The following HTR4 variants were observed in gnomAD, a reference collection of about 807,000 sequenced individuals.
The protein encoded by HTR4 is 5-hydroxytryptamine (serotonin) receptor 4, G protein-coupled.
HTR4 carries 16 observed loss-of-function variants against 36.8 expected under a neutral mutation model. The ratio of observed to expected loss-of-function variants is 0.43; its 90% CI spans 0.29 to 0.66. HTR4 has a LOEUF of 0.66. Ranked by LOEUF, HTR4 falls within the 30% of genes least tolerant of loss-of-function variation. The probability of loss-of-function intolerance (pLI) is 0.13; values close to 1 mark genes in which losing one functional copy is unlikely to be tolerated. For synonymous variants in HTR4, 189 were observed against 185.1 expected (o/e 1.02, Z -0.17); for missense variants, 438 against 490.9 (o/e 0.89, Z 1.02).
intron 5 of HTR4, among the ~76,000 whole-genome samples, chr5:148,464,343 C>T (rs542755523): frequency 6.6e-6 from 1 of 152,208 alleles, no homozygotes; most frequent in African/African-American, 2.4e-5. Context: ...ATACCTGATA[C>T]CAAAGGCATA....
intron 5 of HTR4, among the ~76,000 whole-genome samples, chr5:148,469,475 C>T (rs1581344487): frequency 1.3e-5 from 2 of 152,188 alleles, no homozygotes; most frequent in Admixed American, 6.5e-5. Flanking sequence ...AAATGTCTTG[C>T]CTCCTCACCT....
Position 148,509,651 on chromosome 5 carries a change from C to T in HTR4, c.881G>A (p.Trp294Ter), listed in dbSNP as rs1561586546. ...FIDYTVPGQV[W>*]TAFLWLGYIN... ...ATAGCCGAGCCAGAGGAAAGCAGTC[C>T]ACACCTGCCCAGGGACAGTGTAGTC... Residue 294 changes from tryptophan to a stop codon, truncating the protein, a stop_gained, in exon 6 of 7, where the codon TGG (tryptophan) becomes TAG (stop). Coordinates refer to ENST00000377888, the MANE Select transcript of HTR4 (RefSeq NM_000870.7). LOFTEE classifies it high-confidence loss of function. 6.2e-7 allele frequency: 1 copy of T among 1,613,928 alleles called. No individual in the cohort carries two copies. Among genetic ancestry groups the T allele is most frequent in the Admixed American group, 1.7e-5 (1 of 59,966 alleles).
intron 6 of HTR4, among the ~76,000 whole-genome samples, chr5:148,494,513 C>A (rs1030322918): frequency 1.3e-5 from 2 of 152,142 alleles, no homozygotes; most frequent in Non-Finnish European, 2.9e-5. Context: ...TTTACATTTT[C>A]TCCGCTATTG....
intron 5 of HTR4, chr5:148,521,024 C>A (rs1757988947): frequency 7.3e-7 from 1 of 1,365,336 alleles, no homozygotes; most frequent in Non-Finnish European, 9.8e-7. Flanking sequence ...GAAAGGGCAG[C>A]TCCCTGTCTT....
At chr5:148,582,174 T>G (rs1312066899) in intron 2 of HTR4, among the ~76,000 whole-genome samples, 1 of 152,102 alleles carries the variant, frequency 6.6e-6, no homozygotes, top group East Asian at 1.9e-4. Flanking sequence ...GTGTGTTGGT[T>G]TTGTATTCTT....
chr5:148,502,949 G>GT (rs1385832240), intron 6 of HTR4, among the ~76,000 whole-genome samples: 1 of 152,082 alleles, frequency 6.6e-6, no homozygotes, highest in Non-Finnish European at 1.5e-5. Context: ...GAGACAAAGA[G>GT]TAAAAACAAA....
chr5:148,480,582 T>A (rs565876754), downstream of HTR4, among the ~76,000 whole-genome samples: 1 of 152,324 alleles, frequency 6.6e-6, no homozygotes, highest in East Asian at 1.9e-4. Context: ...TTTCACCATG[T>A]TGGCCAGGCT....
At chr5:148,560,201 T>C (rs997551089) in intron 2 of HTR4, among the ~76,000 whole-genome samples, 1 of 106,928 alleles carries the variant, frequency 9.4e-6, no homozygotes, top group African/African-American at 4.2e-5. Flanking sequence ...GAAAGCTTTT[T>C]TTTTAAAAAA....
intron 2 of HTR4, 74 bp downstream of exon 2, chr5:148,636,915 C>T (rs1753561263): frequency 1.0e-6 from 1 of 955,422 alleles, no homozygotes; most frequent in South Asian, 1.5e-5. Flanking sequence ...AACTCTACAA[C>T]AACAGATTTT....
At chr5:148,502,099 GA>G (rs941670225) in intron 6 of HTR4, among the ~76,000 whole-genome samples, 1 of 151,652 alleles carries the variant, frequency 6.6e-6, no homozygotes, top group African/African-American at 2.4e-5. Flanking sequence ...AAAAGCAGCA[GA>G]AAACTCTGCA....
intron 2 of HTR4, among the ~76,000 whole-genome samples, chr5:148,563,861 C>A (rs905673807): frequency 2.0e-5 from 3 of 152,016 alleles, no homozygotes; most frequent in African/African-American, 7.2e-5. Context: ...ACTTTGGTAC[C>A]CCAAAGAGGT....
intron 2 of HTR4, among the ~76,000 whole-genome samples, chr5:148,570,993 T>C (rs555710708): frequency 5.5e-4 from 84 of 151,990 alleles, no homozygotes; most frequent in Non-Finnish European, 9.3e-4. Context: ...GGATACTGGG[T>C]TGTAGTTATG....
chr5:148,576,669 A>G (rs1333236588), intron 2 of HTR4, among the ~76,000 whole-genome samples: 1 of 152,092 alleles, frequency 6.6e-6, no homozygotes, highest in Non-Finnish European at 1.5e-5. Context: ...AAGGCTGCAC[A>G]TCTGTGACCA....
intron 6 of HTR4, among the ~76,000 whole-genome samples, chr5:148,504,188 T>A (rs1167696251): frequency 6.6e-6 from 1 of 152,170 alleles, no homozygotes; most frequent in Non-Finnish European, 1.5e-5. Context: ...CAACAGAATA[T>A]ACATTCGTCT....
intron 6 of HTR4, among the ~76,000 whole-genome samples, chr5:148,501,026 T>G (rs767326856): frequency 5.3e-5 from 8 of 152,170 alleles, no homozygotes; most frequent in Non-Finnish European, 1.0e-4. Flanking sequence ...TACTAGCACA[T>G]GCACCAAGAA....
chr5:148,583,024 G>A (rs1376340363), intron 2 of HTR4, among the ~76,000 whole-genome samples: 2 of 151,626 alleles, frequency 1.3e-5, no homozygotes, highest in Admixed American at 6.6e-5. Context: ...GTTTTCAAAG[G>A]GAATGCTTCC....
chr5:148,613,472 A>G (rs1401591631), intron 2 of HTR4, among the ~76,000 whole-genome samples: 1 of 152,118 alleles, frequency 6.6e-6, no homozygotes, highest in Non-Finnish European at 1.5e-5. Flanking sequence ...CTTTGACAAA[A>G]TTCAACAACC....
intron 6 of HTR4, among the ~76,000 whole-genome samples, chr5:148,489,238 C>T (rs1756300139): frequency 6.6e-6 from 1 of 152,140 alleles, no homozygotes; most frequent in African/African-American, 2.4e-5. Flanking sequence ...ATAATCCTAT[C>T]ACATGGGTTT....
intron 1 of HTR4, among the ~76,000 whole-genome samples, chr5:148,648,185 A>T (rs1458615422): frequency 2.0e-5 from 3 of 152,180 alleles, no homozygotes; most frequent in Non-Finnish European, 1.5e-5. Flanking sequence ...AATAAGCCTC[A>T]AAAAGGGCAA....
Sources: gnomAD v4.1 joint callset for allele counts (sites outside exome capture counted in the v4.1 genomes callset) on GRCh38, gnomAD v4.1.1 for gene constraint, MANE v1.5 for transcripts, NCBI Gene and HGNC (gene_info 2026-07-23, HGNC 2026-07-21) for gene names.